Variants in SAXO1 observed in about 807,000 individuals in gnomAD.
SAXO1 encodes the protein stabilizer of axonemal microtubules 1.
Under a neutral mutation model 17.5 loss-of-function variants are expected in SAXO1, and 21 were observed. The observed-to-expected ratio is 1.20, with a 90% CI of 0.85 to 1.72. The LOEUF (loss-of-function observed/expected upper bound fraction) is 1.72, where lower values mean the gene tolerates loss of function less well. SAXO1 is among the 40% of genes most tolerant of loss of function. SAXO1 has a pLI of 0.00. For missense variants in SAXO1, 843 were observed against 596.0 expected, an observed-to-expected ratio of 1.41 and a Z score of -4.32; for synonymous variants, 274 against 216.5, an observed-to-expected ratio of 1.27 and a Z score of -2.33.
At chr9:19,042,094 G>GA (rs1836092464) in intron 1 of SAXO1, among the ~76,000 whole-genome samples, 1 of 114,634 alleles carries the variant, frequency 8.7e-6, no homozygotes, top group Non-Finnish European at 1.8e-5. Flanking sequence ...AACTCTATGG[G>GA]AAAAAAATCT....
At chr9:19,018,553 C>G (rs924482312) in intron 1 of SAXO1, among the ~76,000 whole-genome samples, 2 of 152,194 alleles carry the variant, frequency 1.3e-5, no homozygotes, top group Admixed American at 1.3e-4. Flanking sequence ...ACATTTCCCA[C>G]AAAAGTATTG....
At chr9:18,998,114 T>G (rs1047336386) in intron 1 of SAXO1, among the ~76,000 whole-genome samples, 4 of 152,026 alleles carry the variant, frequency 2.6e-5, no homozygotes, top group African/African-American at 9.7e-5. Context: ...GAGAATGACT[T>G]TGACAAGTTG....
At chr9:19,026,756 C>A (rs761771269) in intron 1 of SAXO1, 4 of 414,062 alleles carry the variant, frequency 9.7e-6, no homozygotes, top group African/African-American at 2.0e-5. Flanking sequence ...CTGGGCCGGG[C>A]GTGGTAGCTC....
At chr9:18,989,023 A>C (rs958126040) in intron 1 of SAXO1, among the ~76,000 whole-genome samples, 1 of 152,160 alleles carries the variant, frequency 6.6e-6, no homozygotes, top group African/African-American at 2.4e-5. Context: ...TTTAATAAGA[A>C]GTAAGATCAT....
In SAXO1 at chr9:18,928,511, G is replaced by A. The variant is rs1830881695; in HGVS notation, c.966C>T (p.Cys322=). The A allele has an allele frequency of 1.2e-6, 2 of 1,613,774 alleles. No homozygotes were observed. The highest frequency in any genetic ancestry group is 1.1e-5 in the South Asian group (1 of 91,024). Residue 322 remains cysteine (C), a synonymous_variant, in exon 4 of 4, where the codon TGC becomes TGT. Coordinates refer to ENST00000380534, the MANE Select transcript of SAXO1 (RefSeq NM_153707.4). ...ACTTCTTAATCTGAAGTGCAGGTCGGCAGGACTGAGCTGGGGCACCCTTAG... is the reference window on the plus strand; with the variant it reads ...ACTTCTTAATCTGAAGTGCAGGTCGACAGGACTGAGCTGGGGCACCCTTAG... ...TCPKGAPAQS[C]RPALQIKKCG...
chr9:19,037,708 T>C (rs143749793), upstream of SAXO1, among the ~76,000 whole-genome samples: 1,687 of 152,258 alleles, frequency 0.011, 24 homozygotes, highest in African/African-American at 0.039. Flanking sequence ...AATTGACTAA[T>C]ACACCATCTA....
intron 3 of SAXO1, among the ~76,000 whole-genome samples, chr9:18,936,545 A>G (rs1170848108): frequency 1.3e-5 from 2 of 152,174 alleles, no homozygotes; most frequent in Non-Finnish European, 2.9e-5. Context: ...TCTGATACCC[A>G]ACAATATAGT....
At chr9:18,994,978 A>T (rs1833946559) in intron 1 of SAXO1, among the ~76,000 whole-genome samples, 1 of 152,216 alleles carries the variant, frequency 6.6e-6, no homozygotes, top group Non-Finnish European at 1.5e-5. Context: ...ACTTTATTAA[A>T]TATGTCAAGG....
intron 1 of SAXO1, among the ~76,000 whole-genome samples, chr9:19,017,703 T>C (rs928879643): frequency 1.3e-5 from 2 of 152,240 alleles, no homozygotes; most frequent in African/African-American, 4.8e-5. Flanking sequence ...CTGAATAATA[T>C]AACCATTCCA....
intron 1 of SAXO1, among the ~76,000 whole-genome samples, chr9:19,046,443 C>G (rs1173445744): frequency 6.6e-6 from 1 of 152,202 alleles, no homozygotes; most frequent in Non-Finnish European, 1.5e-5. Flanking sequence ...CGCCTGTAAT[C>G]CCAGCACTTT....
chr9:18,957,253 T>C (rs1832291987), intron 1 of SAXO1, among the ~76,000 whole-genome samples: 1 of 152,224 alleles, frequency 6.6e-6, no homozygotes, highest in Admixed American at 6.5e-5. Flanking sequence ...AGAACTTTCT[T>C]TGCTGCTTAA....
chr9:18,942,353 G>T (rs781749589), intron 2 of SAXO1, among the ~76,000 whole-genome samples: 1 of 151,878 alleles, frequency 6.6e-6, no homozygotes. Context: ...TGTCTCTCAC[G>T]ATCCCCACCC....
chr9:19,008,670 A>G (rs1338678497), intron 1 of SAXO1, among the ~76,000 whole-genome samples: 1 of 152,190 alleles, frequency 6.6e-6, no homozygotes, highest in Non-Finnish European at 1.5e-5. Context: ...GTCTTCTATA[A>G]TACTTCTGTG....
intron 1 of SAXO1, among the ~76,000 whole-genome samples, chr9:18,966,431 T>C (rs1349029067): frequency 6.6e-6 from 1 of 152,186 alleles, no homozygotes; most frequent in Non-Finnish European, 1.5e-5. Context: ...GAAGGGTTTG[T>C]TTTTTCCTTT....
At chr9:18,980,250 T>C (rs1254920810) in intron 1 of SAXO1, among the ~76,000 whole-genome samples, 2 of 152,142 alleles carry the variant, frequency 1.3e-5, no homozygotes, top group Non-Finnish European at 2.9e-5. Context: ...CTGGCACCTT[T>C]TGACAAACTC....
intron 1 of SAXO1, among the ~76,000 whole-genome samples, chr9:19,007,757 A>T (rs1317479587): frequency 1.3e-5 from 2 of 152,230 alleles, no homozygotes; most frequent in African/African-American, 4.8e-5. Context: ...TAATTTTTAC[A>T]TTTTAAAATA....
chr9:18,941,732 T>TA lies in SAXO1; in HGVS notation c.325dup (p.Tyr109LeufsTer18). On this transcript the variant is annotated frameshift_variant, in exon 3 of 4. Transcript: ENST00000380534. LOFTEE classifies it high-confidence loss of function. ...CACTCGACAGACAGGGTAGGGATTG[T>TA]AATCTTTCTTATACGTCGTGAGCAA... 6.2e-7 allele frequency: 1 copy of TA among 1,613,860 alleles called. No homozygotes were observed. The highest frequency in any genetic ancestry group is 8.5e-7 in the Non-Finnish European group (1 of 1,180,014).
At chr9:18,961,754 G>A (rs1317315465) in intron 1 of SAXO1, among the ~76,000 whole-genome samples, 1 of 152,138 alleles carries the variant, frequency 6.6e-6, no homozygotes, top group Admixed American at 6.5e-5. Flanking sequence ...GCATTTGGGT[G>A]GGTTCCAAGT....
At chr9:18,948,700 C>T (rs940677168) in intron 2 of SAXO1, among the ~76,000 whole-genome samples, 11 of 152,102 alleles carry the variant, frequency 7.2e-5, no homozygotes, top group African/African-American at 2.2e-4. Context: ...GCAGGTCTTC[C>T]GCCCCAGACC....
Sources: allele counts gnomAD v4.1 joint callset (sites outside exome capture counted in the v4.1 genomes callset), GRCh38; gene constraint gnomAD v4.1.1; transcripts MANE v1.5; gene names NCBI Gene and HGNC (gene_info 2026-07-23, HGNC 2026-07-21).